The following BCLAF3 variants were observed in gnomAD, a reference collection of about 807,000 sequenced individuals.
The protein encoded by BCLAF3 is transient octamer binding factor 1.
Under a neutral mutation model 51.2 loss-of-function variants are expected in BCLAF3, and 24 were observed. The observed-to-expected ratio is 0.47, with a 90% CI of 0.34 to 0.66. BCLAF3 has a LOEUF of 0.66. Among genes scored for constraint, BCLAF3 ranks in the 30% least tolerant of loss-of-function variants. The pLI, the probability that BCLAF3 is intolerant of heterozygous loss-of-function variation, is 0.01. For synonymous variants in BCLAF3, 152 were observed against 176.6 expected (o/e 0.86, Z 1.10); for missense variants, 465 against 525.1 (o/e 0.89, Z 1.12).
At chrX:19,926,964 C>T (rs1175816797) in intron 11 of BCLAF3, among the ~76,000 whole-genome samples, 2 of 111,644 alleles carry the variant, frequency 1.8e-5, no homozygotes, top group African/African-American at 3.3e-5. Context: ...CGGTGGCTTA[C>T]ACCTGTAATG....
At chrX:19,955,681 A>T in intron 4 of BCLAF3, 115 bp from the exon 5 acceptor site, 1 of 572,436 alleles carries the variant, frequency 1.7e-6, no homozygotes, top group Non-Finnish European at 2.6e-6. Context: ...TCTTATAATT[A>T]AGGCACTAAA....
rs1322036782 is a variant in BCLAF3, at chrX:19,951,176, AAATT to A, written c.1630-312_1630-309del. Reference sequence around the variant, plus strand: ...GAAGCAACTTAAATGTAAAAAAAAAAAATTAAGAGGAAGGGAAGAATGAGTAAAT... The same window carrying A: ...GAAGCAACTTAAATGTAAAAAAAAAAAAGAGGAAGGGAAGAATGAGTAAAT... On this transcript the variant is annotated intron_variant, in intron 7 of 11. Transcript: ENST00000379682. Among the ~76,000 whole-genome samples the A allele has an allele frequency of 8.9e-5, 10 of 112,000 alleles. 1 individual carries two copies. The highest frequency in any genetic ancestry group is 1.9e-4 in the Admixed American group (2 of 10,520).
chrX:19,940,762 TTA>T (rs1170880678), intron 8 of BCLAF3, among the ~76,000 whole-genome samples: 1 of 110,506 alleles, frequency 9.0e-6, no homozygotes, highest in African/African-American at 3.3e-5. Context: ...GCAGCATGAT[TTA>T]TAGTCCTTTG....
intron 10 of BCLAF3, chrX:19,930,349 C>T (rs190713617): frequency 4.1e-4 from 45 of 110,745 alleles, no homozygotes; most frequent in Admixed American, 3.8e-3. Flanking sequence ...CAAAACAAAA[C>T]AAAAAAACAG....
chrX:19,953,028 T>C lies in BCLAF3; in HGVS notation c.1589A>G (p.Glu530Gly). ...IHRRIDMSLA[E>G]LQSKQAVIYE... ...GATCACAGCTTGTTTACTCTGAAGCTCGGCCAAAGACATATCTATTCTCCT... is the reference window on the plus strand; with the variant it reads ...GATCACAGCTTGTTTACTCTGAAGCCCGGCCAAAGACATATCTATTCTCCT... Residue 530 changes from glutamate (E) to glycine (G), a missense_variant, in exon 7 of 12, where the codon GAG (glutamate) becomes GGG (glycine). Transcript: ENST00000379682. The C allele has an allele frequency of 2.5e-6, 3 of 1,207,695 alleles. No individual in the cohort carries two copies. Among genetic ancestry groups the C allele is most frequent in the Non-Finnish European group, 3.4e-6 (3 of 892,458 alleles).
intron 8 of BCLAF3, among the ~76,000 whole-genome samples, chrX:19,946,810 T>C (rs913956600): frequency 3.6e-5 from 4 of 111,543 alleles, no homozygotes; most frequent in Non-Finnish European, 7.5e-5. Flanking sequence ...TACTATCCCC[T>C]CAGATAACCC....
chrX:19,945,984 T>G (rs1300354639), intron 8 of BCLAF3, among the ~76,000 whole-genome samples: 1 of 109,034 alleles, frequency 9.2e-6, no homozygotes, highest in African/African-American at 3.4e-5. Context: ...TGATGCGCCG[T>G]TTTTTAAGCC....
At chrX:19,954,323 G>C (rs1215081467) in intron 5 of BCLAF3, 2 of 375,370 alleles carry the variant, frequency 5.3e-6, no homozygotes, top group African/African-American at 2.8e-5. Context: ...TGTTATGTTT[G>C]CATATCACAG....
chrX:19,985,860 T>C (rs534834293), intron 1 of BCLAF3, among the ~76,000 whole-genome samples: 55 of 110,419 alleles, frequency 5.0e-4, no homozygotes, highest in Non-Finnish European at 8.0e-4. Flanking sequence ...GGTGGGAGGA[T>C]TGCTTGAGCC....
chrX:19,985,090 A>G (rs1603341361), intron 1 of BCLAF3: 1 of 111,903 alleles, frequency 8.9e-6, no homozygotes, highest in East Asian at 2.8e-4. Flanking sequence ...GCGGGAGTGA[A>G]GAAGGAACAA....
chrX:19,964,468 T>C (rs775448631), intron 4 of BCLAF3, among the ~76,000 whole-genome samples: 5 of 111,077 alleles, frequency 4.5e-5, no homozygotes, highest in Non-Finnish European at 9.4e-5. Flanking sequence ...TCTAGTTGGT[T>C]GAGCCCCAGT....
intron 10 of BCLAF3, among the ~76,000 whole-genome samples, chrX:19,932,517 A>C (rs6633316): frequency 9.8e-6 from 1 of 102,510 alleles, no homozygotes; most frequent in Admixed American, 1.1e-4. Flanking sequence ...TTACAGATAC[A>C]AGTCAAGATT....
Position 19,971,048 on chromosome X carries a change from C to T in BCLAF3, c.-34-750G>A, listed in dbSNP as rs757362824. On this transcript the variant is annotated intron_variant, in intron 1 of 11. Coordinates refer to ENST00000379682, the MANE Select transcript of BCLAF3 (RefSeq NM_001367774.2). The stretch of plus-strand genomic sequence containing the variant: ...TAGGAATACGTGATGGTATACTCTG[C>T]TTTTTAAATTGTTAGATTCTAAGAA... 1.3e-4 allele frequency among the ~76,000 whole-genome samples: 15 copies of T among 112,344 alleles called. No homozygotes were observed. The South Asian group carries it at 4.8e-3, about 36-fold the overall frequency.
Position 19,957,496 on chromosome X carries a change from GT to G in BCLAF3, c.1275-1931del, listed in dbSNP as rs780620318. 5.4e-5 allele frequency among the ~76,000 whole-genome samples: 6 copies of G among 111,943 alleles called. No homozygotes were observed. The East Asian group carries it at 1.7e-3, about 31-fold the overall frequency. On this transcript the variant is annotated intron_variant, in intron 4 of 11. Transcript: ENST00000379682. ...CCACAAGAGGAAATCAGTTGATAAG[GT>G]TTTTTTCTGGCAGCCTCAGTTTATC... is the stretch of plus-strand genomic sequence containing the variant.
intron 2 of BCLAF3, among the ~76,000 whole-genome samples, chrX:19,968,474 C>G (rs1033920315): frequency 1.8e-5 from 2 of 112,964 alleles, no homozygotes; most frequent in African/African-American, 6.4e-5. Context: ...ACTCATGTTC[C>G]TCAGTTGTAC....
intron 1 of BCLAF3, among the ~76,000 whole-genome samples, chrX:19,988,858 C>T (rs111715483): frequency 0.019 from 2,099 of 111,641 alleles, 63 homozygotes; most frequent in African/African-American, 0.066. Flanking sequence ...TGTTCTATTA[C>T]GCCTTTGCCT....
At chrX:19,937,641 C>T (rs781549340) in intron 8 of BCLAF3, 109 bp from the exon 9 acceptor site, 84 of 434,151 alleles carry the variant, frequency 1.9e-4, no homozygotes, top group Non-Finnish European at 3.2e-4. Context: ...TAAAGTAGCA[C>T]ACAAGTGAAA....
chrX:19,983,444 T>A (rs1193354521), intron 1 of BCLAF3, among the ~76,000 whole-genome samples: 1 of 108,002 alleles, frequency 9.3e-6, no homozygotes. Context: ...TAGCTGGGCA[T>A]GGTGGCTCAT....
At chrX:19,964,200 C>T (rs1416532404) in intron 4 of BCLAF3, among the ~76,000 whole-genome samples, 2 of 110,834 alleles carry the variant, frequency 1.8e-5, no homozygotes, top group Non-Finnish European at 3.8e-5. Flanking sequence ...CTTTTTCATT[C>T]ACATACTGGT....
Sources: gnomAD v4.1 joint callset for allele counts (sites outside exome capture counted in the v4.1 genomes callset) on GRCh38, gnomAD v4.1.1 for gene constraint, MANE v1.5 for transcripts, NCBI Gene and HGNC (gene_info 2026-07-23, HGNC 2026-07-21) for gene names.